The following RHBDL1 variants were observed in gnomAD, a reference collection of about 807,000 sequenced individuals.
RHBDL1 encodes rhomboid like 1, also known as rhomboid-related protein 1.
A neutral mutation model predicts 34.0 loss-of-function variants in RHBDL1; 21 were observed. The ratio of observed to expected loss-of-function variants is 0.62; its 90% CI spans 0.44 to 0.89. RHBDL1 has a LOEUF of 0.89. Among genes scored for constraint, RHBDL1 ranks in the 40% least tolerant of loss-of-function variants. RHBDL1 has a pLI of 0.00. For missense variants in RHBDL1, 450 were observed against 530.6 expected, an observed-to-expected ratio of 0.85 and a Z score of 1.49; for synonymous variants, 268 against 234.8, an observed-to-expected ratio of 1.14 and a Z score of -1.29.
rs1361032120 is a variant in RHBDL1 at position 677,902 on chromosome 16, G to A, written c.972G>A (p.Leu324=). The A allele has an allele frequency of 6.2e-6, 10 of 1,602,030 alleles. No individual in the cohort carries two copies. Among genetic ancestry groups the A allele is most frequent in the Non-Finnish European group, 8.5e-6 (10 of 1,179,002 alleles). The part of the protein sequence containing the change: ...AGAVVGVSMG[L]TILRSYEERL... ...CGGTGGTGGGGGTGAGCATGGGCCT[G>A]ACCATCCTGCGGAGCTACGAGGAGC... Residue 324 remains leucine (L), a synonymous_variant, in exon 8 of 8, where the codon CTG becomes CTA. Coordinates refer to ENST00000352681, the MANE Select transcript of RHBDL1 (RefSeq NM_001278720.2).
Position 676,299 on chromosome 16 carries a change from C to G in RHBDL1, c.40-37C>G. The G allele has an allele frequency of 1.3e-6, 2 of 1,599,308 alleles. No homozygotes were observed. The highest frequency in any genetic ancestry group is 1.7e-6 in the Non-Finnish European group (2 of 1,173,770). On this transcript the variant is annotated intron_variant, in intron 1 of 7. Coordinates refer to ENST00000352681, the MANE Select transcript of RHBDL1 (RefSeq NM_001278720.2). The surrounding 1 kb of genome is among the most constrained non-coding windows in gnomAD (Gnocchi z 6.9). Reference sequence around the variant, plus strand: ...CAGCCCTTTGGTCCAGGGGTCGGGCCCGCACTCAGGCCTTGGCTGGCGGCT... The same window carrying G: ...CAGCCCTTTGGTCCAGGGGTCGGGCGCGCACTCAGGCCTTGGCTGGCGGCT...
Position 676,309 on chromosome 16 carries a change from G to T in RHBDL1, c.40-27G>T. ...GTCCAGGGGTCGGGCCCGCACTCAG[G>T]CCTTGGCTGGCGGCTCCTCACTGCA... On this transcript the variant is annotated intron_variant, in intron 1 of 7. Coordinates refer to ENST00000352681, the MANE Select transcript of RHBDL1 (RefSeq NM_001278720.2). The surrounding 1 kb of genome is among the most constrained non-coding windows in gnomAD (Gnocchi z 6.9). 6.2e-7 allele frequency: 1 copy of T among 1,604,798 alleles called. No individual in the cohort carries two copies. The highest frequency in any genetic ancestry group is 8.5e-7 in the Non-Finnish European group (1 of 1,176,462).
rs751011486 is a variant in RHBDL1 at position 676,350 on chromosome 16, G to C, written c.54G>C (p.Glu18Asp). 32 of 1,610,566 alleles carry C rather than the reference G, an allele frequency of 2.0e-5. No individual in the cohort carries two copies. In the South Asian group the frequency reaches 3.2e-4, roughly 16 times the overall value. The part of the protein sequence containing the change: ...QLIQEQQLDP[E>D]NTGFIGADTF... ...CCTCACTGCAGCAGCTGGACCCCGAGAACACAGGCTTCATCGGTGCGGACA... is the reference window on the plus strand; with the variant it reads ...CCTCACTGCAGCAGCTGGACCCCGACAACACAGGCTTCATCGGTGCGGACA... Residue 18 changes from glutamate (E) to aspartate (D), a missense_variant, in exon 2 of 8, where the codon GAG becomes GAC. Physicochemically the swap from Glu to Asp is conservative, Grantham distance 45. Coordinates refer to ENST00000352681, the MANE Select transcript of RHBDL1 (RefSeq NM_001278720.2). This position sits in a 1 kb window ranked among gnomAD's most constrained non-coding sequence, Gnocchi z 6.9.
chr16:676,952 C>G lies in RHBDL1; in HGVS notation c.427-19C>G. On this transcript the variant is annotated intron_variant, in intron 3 of 7. Coordinates refer to ENST00000352681, the MANE Select transcript of RHBDL1 (RefSeq NM_001278720.2). This position sits in a 1 kb window ranked among gnomAD's most constrained non-coding sequence, Gnocchi z 6.9. Reference sequence around the variant, plus strand: ...TCCCGCGCTCCTGGCCATGACCAGCCTAACACTCGTGTCCCCAGATCATCG... The same window carrying G: ...TCCCGCGCTCCTGGCCATGACCAGCGTAACACTCGTGTCCCCAGATCATCG... 1 of 1,611,962 alleles carries G rather than the reference C, an allele frequency of 6.2e-7. No homozygotes were observed. The highest frequency in any genetic ancestry group is 1.1e-5 in the South Asian group (1 of 91,060).
chr16:675,963 C>A, intron 1 of RHBDL1, 134 bp downstream of exon 1: 4 of 1,386,916 alleles, frequency 2.9e-6, no homozygotes, highest in Non-Finnish European at 3.8e-6. Flanking sequence ...CGACCTTGGT[C>A]CGTGTGTCTG....
Position 675,780 on chromosome 16 carries a change from G to C in RHBDL1, c.-11G>C, listed in dbSNP as rs2039521855. 6.8e-7 allele frequency: 1 copy of C among 1,464,434 alleles called. No individual in the cohort carries two copies. The highest frequency in any genetic ancestry group is 2.4e-4 in the Middle Eastern group (1 of 4,210). 90.7% of individuals were successfully genotyped at this position (1,464,434 alleles called of 1,614,324 possible). A position where few individuals can be genotyped will look rare whatever the true frequency, so the allele number is the denominator to read the frequency against. On this transcript the variant is annotated 5_prime_UTR_variant, in exon 1 of 8. Transcript: ENST00000352681. ...CCGCCGACCCCGGACCCCGGCCCCCGGCCAGGCTCTATGGACAGGAGCTCG... is the reference window on the plus strand; with the variant it reads ...CCGCCGACCCCGGACCCCGGCCCCCCGCCAGGCTCTATGGACAGGAGCTCG...
rs1437620498 is a variant in RHBDL1, at chr16:675,805, G to T, written c.15G>T (p.Ser5=). The T allele has an allele frequency of 6.6e-7, 1 of 1,508,064 alleles. No individual in the cohort carries two copies. The highest frequency in any genetic ancestry group is 2.1e-5 in the Admixed American group (1 of 48,376). 93.4% of individuals were successfully genotyped at this position (1,508,064 alleles called of 1,614,324 possible). A position where few individuals can be genotyped will look rare whatever the true frequency, so the allele number is the denominator to read the frequency against. Residue 5 remains serine, a synonymous_variant, in exon 1 of 8, where the codon TCG becomes TCT. Coordinates refer to ENST00000352681, the MANE Select transcript of RHBDL1 (RefSeq NM_001278720.2). The stretch of plus-strand genomic sequence containing the variant: ...GGCCAGGCTCTATGGACAGGAGCTC[G>T]CTGCTGCAGCTCATCCAGGAGCAGG... MDRS[S]LLQLIQEQQL...
Position 676,169 on chromosome 16 carries a change from T to G in RHBDL1, c.40-167T>G, listed in dbSNP as rs1271785304. On this transcript the variant is annotated intron_variant, in intron 1 of 7. Coordinates refer to ENST00000352681, the MANE Select transcript of RHBDL1 (RefSeq NM_001278720.2). This position sits in a 1 kb window ranked among gnomAD's most constrained non-coding sequence, Gnocchi z 6.9. ...GACTGGGACCCAGGCACCAGTGCCC[T>G]GCCAGCTCCTGGGATCAAGCAGGGT... 2.0e-6 allele frequency: 3 copies of G among 1,486,354 alleles called. No homozygotes were observed. In the African/African-American group the frequency reaches 4.2e-5, roughly 21 times the overall value. The allele number at this position is 1,486,354 out of a possible 1,614,324, so 92.1% of individuals were successfully genotyped here.
chr16:676,334 A>G lies in RHBDL1; in HGVS notation c.40-2A>G. 1 of 1,609,454 alleles carries G rather than the reference A, an allele frequency of 6.2e-7. No homozygotes were observed. The highest frequency in any genetic ancestry group is 8.5e-7 in the Non-Finnish European group (1 of 1,178,724). On this transcript the variant is annotated splice_acceptor_variant, in intron 1 of 7. Transcript: ENST00000352681. LOFTEE classifies it high-confidence loss of function. This position sits in a 1 kb window ranked among gnomAD's most constrained non-coding sequence, Gnocchi z 6.9. The stretch of plus-strand genomic sequence containing the variant: ...GCCTTGGCTGGCGGCTCCTCACTGC[A>G]GCAGCTGGACCCCGAGAACACAGGC...
chr16:678,231 G>C lies in RHBDL1; in HGVS notation c.*179G>C, dbSNP rs1307134259. Reference sequence around the variant, plus strand: ...CCCCCACTCCCAGGACTTGCGGTCTGAGCCTTTTTGGATAATTAATAAATA... The same window carrying C: ...CCCCCACTCCCAGGACTTGCGGTCTCAGCCTTTTTGGATAATTAATAAATA... On this transcript the variant is annotated 3_prime_UTR_variant, in exon 8 of 8. Transcript: ENST00000352681. 28 of 1,370,350 alleles carry C rather than the reference G, an allele frequency of 2.0e-5. No homozygotes were observed. The highest frequency in any genetic ancestry group is 2.4e-5 in the Non-Finnish European group (26 of 1,068,724). The allele number at this position is 1,370,350 out of a possible 1,614,324, so 84.9% of individuals were successfully genotyped here.
At position 677,124 on chromosome 16, in the gene RHBDL1, G is replaced by T. The variant is rs2039559632; in HGVS notation, c.575+5G>T. 1 of 1,605,490 alleles carries T rather than the reference G, an allele frequency of 6.2e-7. No individual in the cohort carries two copies. Among genetic ancestry groups the T allele is most frequent in the Admixed American group, 1.7e-5 (1 of 59,698 alleles). On this transcript the variant is annotated splice_donor_5th_base_variant and intron_variant, in intron 4 of 7. Coordinates refer to ENST00000352681, the MANE Select transcript of RHBDL1 (RefSeq NM_001278720.2). ...CTACATGTTCATGCACGTTGGGTGA[G>T]TAGCACTGCTGCCCGGTGAGCCCCG...
rs1224618331 is a variant in RHBDL1, at chr16:676,468, C to G, written c.172C>G (p.Gln58Glu). The stretch of plus-strand genomic sequence containing the variant: ...CCTGGCTCAGAGCAACGAGCAGGGC[C>G]AGGTCTGCTACCAGGAGCTGGTGGA... The part of the protein sequence containing the change: ...VALAQSNEQG[Q>E]VCYQELVDLI... Residue 58 changes from glutamine (Q) to glutamate (E), a missense_variant, in exon 2 of 8, where the codon CAG becomes GAG. Gln to Glu is a conservative substitution (Grantham distance 29, BLOSUM62 2). Coordinates refer to ENST00000352681, the MANE Select transcript of RHBDL1 (RefSeq NM_001278720.2). The surrounding 1 kb of genome is among the most constrained non-coding windows in gnomAD (Gnocchi z 6.9). 2 of 1,598,746 alleles carry G rather than the reference C, an allele frequency of 1.3e-6. No homozygotes were observed. The highest frequency in any genetic ancestry group is 8.5e-7 in the Non-Finnish European group (1 of 1,175,030).
At chr16:677,217 G>T in intron 4 of RHBDL1, 59 bp from the exon 5 acceptor site, 1 of 1,559,596 alleles carries the variant, frequency 6.4e-7, no homozygotes, top group Non-Finnish European at 8.7e-7. Flanking sequence ...GGTGACGGCT[G>T]GGGGTGGGGC....
At position 677,879 on chromosome 16, in the gene RHBDL1, G is replaced by C; in HGVS notation, c.949G>C (p.Val317Leu). 1 of 1,598,692 alleles carries C rather than the reference G, an allele frequency of 6.3e-7. No individual in the cohort carries two copies. The highest frequency in any genetic ancestry group is 1.1e-5 in the South Asian group (1 of 90,640). ...CTTCATGGCGCACCTGGCAGGCGCG[G>C]TGGTGGGGGTGAGCATGGGCCTGAC... Reference protein sequence around the residue: ...PSFMAHLAGAVVGVSMGLTIL... With the variant: ...PSFMAHLAGALVGVSMGLTIL... Residue 317 changes from valine to leucine, a missense_variant, in exon 8 of 8, where the codon GTG becomes CTG. Coordinates refer to ENST00000352681, the MANE Select transcript of RHBDL1 (RefSeq NM_001278720.2).
intron 4 of RHBDL1, 48 bp downstream of exon 4, chr16:677,167 A>T: frequency 6.3e-7 from 1 of 1,582,582 alleles, no homozygotes; most frequent in Admixed American, 1.7e-5. Context: ...CTGCCATTAC[A>T]TCAGAAAGGC....
Position 677,710 on chromosome 16 carries a change from G to C in RHBDL1, c.850+11G>C, listed in dbSNP as rs2039574044. ...TGGCCTTGGTGTGCAGTGAGTAGGG[G>C]CCGGGGGGAGGGCCGGGGGGCCTCT... On this transcript the variant is annotated intron_variant, in intron 7 of 7. Transcript: ENST00000352681. 1 of 1,530,030 alleles carries C rather than the reference G, an allele frequency of 6.5e-7. No homozygotes were observed. Among genetic ancestry groups the C allele is most frequent in the African/African-American group, 1.4e-5 (1 of 72,378 alleles). The allele number at this position is 1,530,030 out of a possible 1,614,324, so 94.8% of individuals were successfully genotyped here.
rs1168831892 is a variant in RHBDL1, at chr16:677,550, C to T, written c.780C>T (p.Asn260=). ...CCCTGTGCTCGGCACACCTGGCCAA[C>T]GTTGTCATGGTAACGGGCCTGCCCG... ...VYALCSAHLA[N]VVMNWAGMRC... The change falls in exon 6 of 8, where the codon AAC becomes AAT. Residue 260 remains asparagine, a synonymous_variant. Coordinates refer to ENST00000352681, the MANE Select transcript of RHBDL1 (RefSeq NM_001278720.2). 5.6e-6 allele frequency: 9 copies of T among 1,610,206 alleles called. No individual in the cohort carries two copies. Among genetic ancestry groups the T allele is most frequent in the Non-Finnish European group, 7.6e-6 (9 of 1,179,356 alleles).
rs767108355 is a variant in RHBDL1 at position 676,660 on chromosome 16, C to A, written c.202-12C>A. The A allele has an allele frequency of 1.1e-5, 18 of 1,609,772 alleles. No homozygotes were observed. Among genetic ancestry groups the A allele is most frequent in the African/African-American group, 2.7e-5 (2 of 74,824 alleles). On this transcript the variant is annotated splice_polypyrimidine_tract_variant and intron_variant, in intron 2 of 7. Coordinates refer to ENST00000352681, the MANE Select transcript of RHBDL1 (RefSeq NM_001278720.2). This position sits in a 1 kb window ranked among gnomAD's most constrained non-coding sequence, Gnocchi z 6.9. ...GGAGGTCCGTGGCCCACACTCAGGCCCCTGCCCCCAGATCAGCAGCAAGCG... is the reference window on the plus strand; with the variant it reads ...GGAGGTCCGTGGCCCACACTCAGGCACCTGCCCCCAGATCAGCAGCAAGCG...
chr16:677,888 G>C lies in RHBDL1; in HGVS notation c.958G>C (p.Val320Leu). The C allele has an allele frequency of 1.9e-6, 3 of 1,600,030 alleles. No homozygotes were observed. The highest frequency in any genetic ancestry group is 2.5e-6 in the Non-Finnish European group (3 of 1,178,390). The change falls in exon 8 of 8, where the codon GTG (valine) becomes CTG (leucine). Residue 320 changes from valine to leucine, a missense_variant. Val to Leu is a conservative substitution (Grantham distance 32). Transcript: ENST00000352681. Reference protein sequence around the residue: ...MAHLAGAVVGVSMGLTILRSY... With the variant: ...MAHLAGAVVGLSMGLTILRSY... ...GCACCTGGCAGGCGCGGTGGTGGGG[G>C]TGAGCATGGGCCTGACCATCCTGCG...
Sources: gnomAD v4.1 joint callset for allele counts on GRCh38, gnomAD v4.1.1 for gene constraint, Gnocchi (gnomAD v3.1) non-coding constraint, MANE v1.5 for transcripts, NCBI Gene and HGNC (gene_info 2026-07-23, HGNC 2026-07-21) for gene names.